The following KLF12 variants were observed in gnomAD, a reference collection of about 807,000 sequenced individuals.
The protein encoded by KLF12 is Krueppel-like factor 12.
A neutral mutation model predicts 37.8 loss-of-function variants in KLF12; 9 were observed. The ratio of observed to expected loss-of-function variants is 0.24; its 90% CI spans 0.14 to 0.42. The LOEUF is 0.42. Among genes scored for constraint, KLF12 ranks in the 10% least tolerant of loss-of-function variants. The pLI is 1.00. For synonymous variants in KLF12, 208 were observed against 202.1 expected (o/e 1.03, Z -0.25); for missense variants, 411 against 516.0 (o/e 0.80, Z 1.97).
chr13:73,904,470 T>C (rs1454504514), intron 3 of KLF12, among the ~76,000 whole-genome samples: 1 of 11,416 alleles, frequency 8.8e-5, no homozygotes, highest in African/African-American at 4.4e-4. Flanking sequence ...CTTTCTTTCC[T>C]TTTTTTTTTT....
intron 3 of KLF12, among the ~76,000 whole-genome samples, chr13:73,861,536 G>C (rs1476270375): frequency 6.6e-6 from 1 of 152,194 alleles, no homozygotes; most frequent in Non-Finnish European, 1.5e-5. Flanking sequence ...AACATCTGAA[G>C]ACATTTTTGA....
intron 7 of KLF12, among the ~76,000 whole-genome samples, chr13:73,707,184 A>G (rs1020808631): frequency 5.9e-5 from 9 of 152,188 alleles, no homozygotes; most frequent in South Asian, 2.1e-4. Flanking sequence ...CAGAGTTTCA[A>G]TCCTGGCTCT....
At chr13:73,900,506 A>G (rs191628738) in intron 3 of KLF12, among the ~76,000 whole-genome samples, 14 of 152,278 alleles carry the variant, frequency 9.2e-5, no homozygotes, top group African/African-American at 3.4e-4. Flanking sequence ...AGTGAAATCA[A>G]TTTATTCAGG....
chr13:74,158,751 T>C, the KLF12 span, among the ~76,000 whole-genome samples: 573 of 151,938 alleles, frequency 3.8e-3, 3 homozygotes, highest in Non-Finnish European at 6.1e-3. Context: ...AAGAAGAAAA[T>C]GCTTAACATT....
chr13:73,984,395 T>A (rs1475874976), intron 2 of KLF12, among the ~76,000 whole-genome samples: 1 of 152,172 alleles, frequency 6.6e-6, no homozygotes, highest in African/African-American at 2.4e-5. Flanking sequence ...TGCCTTCATC[T>A]GCTTATTTTA....
At chr13:74,034,101 C>T (rs999321477) in intron 1 of KLF12, among the ~76,000 whole-genome samples, 1 of 152,104 alleles carries the variant, frequency 6.6e-6, no homozygotes, top group Admixed American at 6.6e-5. Context: ...CTCGCTCTGT[C>T]ACCCAGGCTT....
the KLF12 span, among the ~76,000 whole-genome samples, chr13:74,277,444 A>G: frequency 2.6e-5 from 4 of 152,114 alleles, no homozygotes; most frequent in African/African-American, 9.7e-5. Flanking sequence ...TCCCTTCTGT[A>G]TTATTCAGTA....
chr13:73,876,012 T>C (rs945388825), intron 3 of KLF12, among the ~76,000 whole-genome samples: 1 of 152,180 alleles, frequency 6.6e-6, no homozygotes, highest in African/African-American at 2.4e-5. Flanking sequence ...CTTTTGGAAT[T>C]AGATTCTTGT....
At chr13:74,060,686 T>C (rs1873544643) in intron 1 of KLF12, among the ~76,000 whole-genome samples, 1 of 152,166 alleles carries the variant, frequency 6.6e-6, no homozygotes, top group African/African-American at 2.4e-5. Context: ...TTTTGGGTTT[T>C]CTAGGTATAA....
At chr13:73,782,877 T>C (rs966631562) in intron 5 of KLF12, among the ~76,000 whole-genome samples, 13 of 152,234 alleles carry the variant, frequency 8.5e-5, no homozygotes, top group African/African-American at 3.1e-4. Context: ...AATTGTGGCT[T>C]GTGTTTACAA....
chr13:73,794,847 A>G (rs1881874803), intron 5 of KLF12, among the ~76,000 whole-genome samples: 1 of 152,214 alleles, frequency 6.6e-6, no homozygotes, highest in South Asian at 2.1e-4. Context: ...CTTTGTAAAT[A>G]GCCCACAAAA....
chr13:73,814,462 A>T (rs985396191), intron 4 of KLF12, among the ~76,000 whole-genome samples: 1 of 152,230 alleles, frequency 6.6e-6, no homozygotes, highest in African/African-American at 2.4e-5. Context: ...CAGTCTGGCT[A>T]GAAAAACTAT....
At chr13:73,971,795 T>TA (rs1891351335) in intron 2 of KLF12, among the ~76,000 whole-genome samples, 1 of 152,212 alleles carries the variant, frequency 6.6e-6, no homozygotes, top group African/African-American at 2.4e-5. Flanking sequence ...TTTGGGAGGC[T>TA]AAGGCAGAAG....
intron 2 of KLF12, among the ~76,000 whole-genome samples, chr13:73,971,319 TC>T (rs1806861292): frequency 6.6e-6 from 1 of 152,136 alleles, no homozygotes. Context: ...AACATTAACT[TC>T]CTTCACAAAA....
intron 3 of KLF12, among the ~76,000 whole-genome samples, chr13:73,912,021 G>T (rs1053041828): frequency 6.6e-6 from 1 of 152,126 alleles, no homozygotes; most frequent in African/African-American, 2.4e-5. Context: ...TTTAACTACT[G>T]ACTTCTCCTT....
intron 7 of KLF12, among the ~76,000 whole-genome samples, chr13:73,709,609 T>C (rs1300472439): frequency 6.6e-6 from 1 of 152,204 alleles, no homozygotes; most frequent in African/African-American, 2.4e-5. Flanking sequence ...CAAATTTCAC[T>C]TTTTTTCTTT....
At chr13:73,763,903 AAAG>A in intron 6 of KLF12, among the ~76,000 whole-genome samples, 1 of 152,172 alleles carries the variant, frequency 6.6e-6, no homozygotes, top group South Asian at 2.1e-4. Context: ...CCTCTGTGAA[AAAG>A]AAAAGCACAA....
At chr13:74,196,036 G>C in the KLF12 span, among the ~76,000 whole-genome samples, 11 of 152,178 alleles carry the variant, frequency 7.2e-5, no homozygotes, top group African/African-American at 2.7e-4. Flanking sequence ...TGTTACTCTT[G>C]ATATGCATGC....
the KLF12 span, among the ~76,000 whole-genome samples, chr13:74,215,075 G>A: frequency 8.8e-4 from 134 of 152,238 alleles, 2 homozygotes; most frequent in East Asian, 0.024. Context: ...ATTACAGGGT[G>A]AGCCATTGCT....
Sources: allele counts gnomAD v4.1 joint callset (sites outside exome capture counted in the v4.1 genomes callset), GRCh38; gene constraint gnomAD v4.1.1; transcripts MANE v1.5; gene names NCBI Gene and HGNC (gene_info 2026-07-23, HGNC 2026-07-21).